The following AKAP6 variants were observed in gnomAD, a reference collection of about 807,000 sequenced individuals.
AKAP6 encodes the protein A-kinase anchoring protein 6, also known as A-kinase anchor protein 6.
Under a neutral mutation model 188.5 loss-of-function variants are expected in AKAP6, and 58 were observed. The observed-to-expected ratio is 0.31, with a 90% CI of 0.25 to 0.38. AKAP6 has a LOEUF of 0.38. Ranked by LOEUF, AKAP6 falls within the 10% of genes least tolerant of loss-of-function variation. The pLI, the probability that AKAP6 is intolerant of heterozygous loss-of-function variation, is 1.00. For synonymous variants in AKAP6, 989 were observed against 998.6 expected (o/e 0.99, Z 0.18); for missense variants, 2,710 against 2,740.0 (o/e 0.99, Z 0.24).
chr14:32,798,600 C>T (rs914804872), intron 12 of AKAP6, among the ~76,000 whole-genome samples: 1 of 152,006 alleles, frequency 6.6e-6, no homozygotes, highest in Non-Finnish European at 1.5e-5. Context: ...AGACCATTAC[C>T]CTAAGTGGAT....
At chr14:32,585,998 T>G (rs1335302665) in intron 5 of AKAP6, among the ~76,000 whole-genome samples, 1 of 152,168 alleles carries the variant, frequency 6.6e-6, no homozygotes, top group East Asian at 1.9e-4. Flanking sequence ...GGTCCGGGTT[T>G]GTTTTAAAAC....
At chr14:32,529,743 T>C (rs1383141402) in intron 2 of AKAP6, among the ~76,000 whole-genome samples, 1 of 152,216 alleles carries the variant, frequency 6.6e-6, no homozygotes. Flanking sequence ...GAAAGTATGA[T>C]TTTGATAGTC....
intron 7 of AKAP6, among the ~76,000 whole-genome samples, chr14:32,648,647 G>T (rs1445355385): frequency 6.6e-6 from 1 of 152,128 alleles, no homozygotes; most frequent in Non-Finnish European, 1.5e-5. Context: ...CTTTTATGAG[G>T]TACATTTTGT....
intron 9 of AKAP6, among the ~76,000 whole-genome samples, chr14:32,711,351 G>T (rs1233577390): frequency 6.6e-6 from 1 of 152,030 alleles, no homozygotes; most frequent in African/African-American, 2.4e-5. Context: ...TTTCAACTGT[G>T]GTTGTCACTG....
At chr14:32,417,763 T>C (rs1889710658) in intron 1 of AKAP6, 1 of 146,810 alleles carries the variant, frequency 6.8e-6, no homozygotes, top group South Asian at 2.1e-4. Context: ...TCTTCAGGCT[T>C]TTTTTTGTAT....
chr14:32,611,878 G>A (rs1886364496), intron 7 of AKAP6, among the ~76,000 whole-genome samples: 5 of 152,186 alleles, frequency 3.3e-5, no homozygotes, highest in Admixed American at 3.3e-4. Flanking sequence ...TTCAGACAAG[G>A]AAAGGAAGTG....
chr14:32,795,266 T>C (rs755256011), intron 12 of AKAP6, among the ~76,000 whole-genome samples: 12 of 152,160 alleles, frequency 7.9e-5, no homozygotes, highest in Non-Finnish European at 1.5e-4. Context: ...AAAGAGGGAC[T>C]TCTCCCTAAC....
chr14:32,464,860 G>A (rs978369423), intron 2 of AKAP6, among the ~76,000 whole-genome samples: 24 of 152,088 alleles, frequency 1.6e-4, no homozygotes, highest in Admixed American at 7.2e-4. Flanking sequence ...TTGTCTCAGC[G>A]CAGAAACTCC....
intron 1 of AKAP6, among the ~76,000 whole-genome samples, chr14:32,368,192 C>T (rs941402981): frequency 1.3e-5 from 2 of 152,120 alleles, no homozygotes; most frequent in African/African-American, 4.8e-5. Flanking sequence ...GAGCTTAACA[C>T]ATGGTACCTA....
chr14:32,535,425 C>T (rs1489989528), intron 2 of AKAP6, 129 bp from the exon 3 acceptor site: 2 of 1,100,600 alleles, frequency 1.8e-6, no homozygotes, highest in East Asian at 4.9e-5. Flanking sequence ...ACAAAGGCCC[C>T]AGGTATCCAA....
chr14:32,664,141 A>G (rs1298889018), intron 7 of AKAP6, among the ~76,000 whole-genome samples: 1 of 151,766 alleles, frequency 6.6e-6, no homozygotes, highest in East Asian at 1.9e-4. Flanking sequence ...GATAGGAACC[A>G]TGACATTGAA....
At position 32,834,697 on chromosome 14, in the gene AKAP6, G is replaced by A. The variant is rs2034856934; in HGVS notation, c.*4892G>A. On this transcript the variant is annotated 3_prime_UTR_variant, in exon 14 of 14. Transcript: ENST00000280979. ...AGTTGTTTTCTCATTGTTAAACTCA[G>A]GGTAAACTTTTTTTTGTCAAGTAAA... 6.6e-6 allele frequency: 1 copy of A among 151,948 alleles called. No homozygotes were observed. Among genetic ancestry groups the A allele is most frequent in the Admixed American group, 6.6e-5 (1 of 15,252 alleles). The allele number at this position is 151,948 out of a possible 1,614,324, so 9.4% of individuals were successfully genotyped here. A position where few individuals can be genotyped will look rare whatever the true frequency, so the allele number is the denominator to read the frequency against.
intron 8 of AKAP6, among the ~76,000 whole-genome samples, chr14:32,682,765 AGAT>A (rs1889735072): frequency 6.6e-6 from 1 of 152,156 alleles, no homozygotes; most frequent in Admixed American, 6.5e-5. Context: ...AGGCAGAAGA[AGAT>A]GATAGTGATT....
At chr14:32,829,511 C>A (rs1335860405) in intron 13 of AKAP6, among the ~76,000 whole-genome samples, 1 of 132,818 alleles carries the variant, frequency 7.5e-6, no homozygotes, top group Non-Finnish European at 1.8e-5. Flanking sequence ...TGGTTTGAAG[C>A]TATTTTGATG....
intron 2 of AKAP6, among the ~76,000 whole-genome samples, chr14:32,512,289 T>C (rs915271047): frequency 3.9e-5 from 6 of 152,198 alleles, no homozygotes; most frequent in Admixed American, 3.9e-4. Context: ...TTGTTTGATA[T>C]GAGTAGAATT....
At chr14:32,759,622 A>G (rs895100019) in intron 11 of AKAP6, among the ~76,000 whole-genome samples, 4 of 152,212 alleles carry the variant, frequency 2.6e-5, no homozygotes, top group Non-Finnish European at 5.9e-5. Context: ...CAGGCTTCAC[A>G]GGAAGCATGG....
intron 2 of AKAP6, among the ~76,000 whole-genome samples, chr14:32,470,415 C>T (rs184832154): frequency 6.6e-6 from 1 of 152,060 alleles, no homozygotes; most frequent in Non-Finnish European, 1.5e-5. Context: ...TTTACAGTAT[C>T]TTATTCTCAT....
At chr14:32,331,289 A>G (rs1886524031) in intron 1 of AKAP6, among the ~76,000 whole-genome samples, 1 of 152,026 alleles carries the variant, frequency 6.6e-6, no homozygotes, top group East Asian at 1.9e-4. Context: ...CAGCTGCTTC[A>G]TCATGGTTGA....
intron 12 of AKAP6, among the ~76,000 whole-genome samples, chr14:32,786,137 A>G (rs137942484): frequency 1.8e-4 from 27 of 152,100 alleles, no homozygotes; most frequent in Non-Finnish European, 3.2e-4. Context: ...AGATTTTTCC[A>G]CAAATGCCAG....
Sources: gnomAD v4.1 joint callset for allele counts (sites outside exome capture counted in the v4.1 genomes callset) on GRCh38, gnomAD v4.1.1 for gene constraint, MANE v1.5 for transcripts, NCBI Gene and HGNC (gene_info 2026-07-23, HGNC 2026-07-21) for gene names.